The following RANBP2 variants were observed in gnomAD, a reference collection of about 807,000 sequenced individuals.
The protein encoded by RANBP2 is E3 SUMO-protein ligase RanBP2.
A neutral mutation model predicts 303.6 loss-of-function variants in RANBP2; 57 were observed. That is an observed-to-expected ratio of 0.19 (90% confidence interval 0.15 to 0.23). The LOEUF (loss-of-function observed/expected upper bound fraction) is 0.23. Among genes scored for constraint, RANBP2 ranks in the 10% least tolerant of loss-of-function variants. The pLI, the probability that RANBP2 is intolerant of heterozygous loss-of-function variation, is 1.00. For missense variants in RANBP2, 3,138 were observed against 3,780.8 expected (o/e 0.83, Z 4.46); for synonymous variants, 1,167 against 1,301.5 (o/e 0.90, Z 2.23).
the RANBP2 span, among the ~76,000 whole-genome samples, chr2:109,399,741 G>T: frequency 2.0e-5 from 3 of 152,262 alleles, no homozygotes; most frequent in Non-Finnish European, 2.9e-5. Flanking sequence ...CAGGAGTTGG[G>T]CAAGTTTCCC....
At chr2:109,393,374 G>C in the RANBP2 span, among the ~76,000 whole-genome samples, 1 of 152,198 alleles carries the variant, frequency 6.6e-6, no homozygotes, top group African/African-American at 2.4e-5. Flanking sequence ...CAGCATCGTC[G>C]TCTCTTGGGA....
chr2:109,478,627 T>G, the RANBP2 span, among the ~76,000 whole-genome samples: 6 of 152,216 alleles, frequency 3.9e-5, no homozygotes, highest in Non-Finnish European at 8.8e-5. Flanking sequence ...CCTAAGAAGT[T>G]TGTTGGAATG....
chr2:109,215,712 C>T, the RANBP2 span, among the ~76,000 whole-genome samples: 1 of 152,184 alleles, frequency 6.6e-6, no homozygotes. Context: ...CCGTGTGACT[C>T]ACCCTGTGAA....
At chr2:108,780,333 C>T (rs960858498) in intron 25 of RANBP2, among the ~76,000 whole-genome samples, 4 of 147,482 alleles carry the variant, frequency 2.7e-5, no homozygotes, top group African/African-American at 1.0e-4. Context: ...GCTGGGATTA[C>T]AGGCACCCGC....
At chr2:108,794,518 G>C in the RANBP2 span, 6 of 1,577,876 alleles carry the variant, frequency 3.8e-6, no homozygotes, top group African/African-American at 8.1e-5. Context: ...AGTTTATAAT[G>C]CAAATGTTAT....
chr2:109,141,196 T>G, the RANBP2 span, among the ~76,000 whole-genome samples: 1 of 152,222 alleles, frequency 6.6e-6, no homozygotes, highest in African/African-American at 2.4e-5. Context: ...TCTGTGCAGT[T>G]TCTGGCTCCA....
chr2:109,149,510 T>C, the RANBP2 span, among the ~76,000 whole-genome samples: 1 of 152,240 alleles, frequency 6.6e-6, no homozygotes, highest in African/African-American at 2.4e-5. Flanking sequence ...CACAGGGCTC[T>C]CTACCATGAG....
the RANBP2 span, among the ~76,000 whole-genome samples, chr2:109,298,980 C>G: frequency 2.6e-5 from 4 of 152,226 alleles, no homozygotes; most frequent in East Asian, 7.7e-4. Context: ...CGGCCCACGC[C>G]GGCCTGCACC....
chr2:109,351,703 A>C, the RANBP2 span, among the ~76,000 whole-genome samples: 11 of 152,142 alleles, frequency 7.2e-5, no homozygotes, highest in Admixed American at 1.3e-4. Context: ...TTTGCACATG[A>C]CTGCAGCGGG....
chr2:109,422,119 C>T, the RANBP2 span, among the ~76,000 whole-genome samples: 2 of 152,164 alleles, frequency 1.3e-5, no homozygotes, highest in Non-Finnish European at 2.9e-5. Flanking sequence ...CCATTCTTCC[C>T]AAAATAGCCT....
At chr2:109,499,962 G>A in the RANBP2 span, among the ~76,000 whole-genome samples, 1 of 152,198 alleles carries the variant, frequency 6.6e-6, no homozygotes. Context: ...GAGGCAGCGA[G>A]TGGGGGCTCA....
intron 7 of RANBP2, among the ~76,000 whole-genome samples, chr2:108,745,887 T>G (rs71421343): frequency 6.6e-6 from 1 of 150,838 alleles, no homozygotes; most frequent in Non-Finnish European, 1.5e-5. Context: ...TTTCTCAGAG[T>G]TGCTCTGTGT....
At chr2:108,813,559 A>G in the RANBP2 span, among the ~76,000 whole-genome samples, 4 of 152,222 alleles carry the variant, frequency 2.6e-5, no homozygotes, top group African/African-American at 9.7e-5. Flanking sequence ...ATTTCAGTCA[A>G]GACTACAACC....
At chr2:109,308,976 T>C in the RANBP2 span, among the ~76,000 whole-genome samples, 1 of 80,448 alleles carries the variant, frequency 1.2e-5, no homozygotes, top group Admixed American at 1.5e-4. Context: ...CATTGGTAGC[T>C]TGATGGGGAT....
the RANBP2 span, among the ~76,000 whole-genome samples, chr2:109,703,808 T>A: frequency 6.6e-6 from 1 of 152,250 alleles, no homozygotes; most frequent in Non-Finnish European, 1.5e-5. Flanking sequence ...TAACACACAC[T>A]GTCAGAATTA....
chr2:108,973,318 C>T, the RANBP2 span, among the ~76,000 whole-genome samples: 1 of 152,122 alleles, frequency 6.6e-6, no homozygotes, highest in Non-Finnish European at 1.5e-5. Flanking sequence ...CGCCTCCCTG[C>T]AAGTTGTGAG....
At chr2:109,475,114 A>T in the RANBP2 span, among the ~76,000 whole-genome samples, 2 of 152,102 alleles carry the variant, frequency 1.3e-5, no homozygotes, top group Non-Finnish European at 1.5e-5. Context: ...AGTGGCTGGG[A>T]CTACAGGTGC....
At chr2:108,971,081 C>T in the RANBP2 span, among the ~76,000 whole-genome samples, 1 of 152,080 alleles carries the variant, frequency 6.6e-6, no homozygotes, top group African/African-American at 2.4e-5. Context: ...ACCGTGCTCA[C>T]TGGGGGATTC....
At chr2:109,495,136 G>A in the RANBP2 span, among the ~76,000 whole-genome samples, 1 of 152,236 alleles carries the variant, frequency 6.6e-6, no homozygotes, top group Non-Finnish European at 1.5e-5. Context: ...TAGGTGTCTG[G>A]CATATTCTTG....
Sources: gnomAD v4.1 joint callset for allele counts (sites outside exome capture counted in the v4.1 genomes callset) on GRCh38, gnomAD v4.1.1 for gene constraint, MANE v1.5 for transcripts, NCBI Gene and HGNC (gene_info 2026-07-23, HGNC 2026-07-21) for gene names.